Variants in FBXO21 observed in about 807,000 individuals in gnomAD.
The protein encoded by FBXO21 is F-box only protein 21.
Under a neutral mutation model 76.6 loss-of-function variants are expected in FBXO21, and 32 were observed. The observed-to-expected ratio is 0.42, with a 90% CI of 0.32 to 0.56. FBXO21 has a LOEUF of 0.56. FBXO21 is among the 20% of genes least tolerant of loss of function. The probability of loss-of-function intolerance (pLI) is 0.16; values close to 1 mark genes in which losing one functional copy is unlikely to be tolerated. For missense variants in FBXO21, 586 were observed against 797.3 expected (o/e 0.73, Z 3.19); for synonymous variants, 328 against 311.5 (o/e 1.05, Z -0.56).
In FBXO21 at chr12:117,158,167, G is replaced by A; in HGVS notation, c.1327-104C>T. The A allele has an allele frequency of 2.3e-6, 3 of 1,332,550 alleles. No homozygotes were observed. In the South Asian group the frequency reaches 3.8e-5, roughly 17 times the overall value. 82.5% of individuals were successfully genotyped at this position (1,332,550 alleles called of 1,614,324 possible). A position where few individuals can be genotyped will look rare whatever the true frequency, so the allele number is the denominator to read the frequency against. ...TACCTACGTAACCTAACAAAGCAAA[G>A]GACCAAAAGGGGTGGCTATGCCCTG... On this transcript the variant is annotated intron_variant, in intron 9 of 11. Transcript: ENST00000622495.
chr12:117,142,902 T>C lies in FBXO21; in HGVS notation c.*3185A>G, dbSNP rs557623139. On this transcript the variant is annotated 3_prime_UTR_variant, in exon 12 of 12. Coordinates refer to ENST00000622495, the MANE Select transcript of FBXO21 (RefSeq NM_015002.3). Reference sequence around the variant, plus strand: ...GGGGAAAGATCGGAACACTTACAAATGAGAACGGGACTTTAAGTAGATAGT... The same window carrying C: ...GGGGAAAGATCGGAACACTTACAAACGAGAACGGGACTTTAAGTAGATAGT... The C allele has an allele frequency of 2.0e-5, 3 of 152,170 alleles. No homozygotes were observed. Among genetic ancestry groups the C allele is most frequent in the South Asian group, 2.1e-4 (1 of 4,824 alleles). 9.4% of individuals were successfully genotyped at this position (152,170 alleles called of 1,614,324 possible). A position where few individuals can be genotyped will look rare whatever the true frequency, so the allele number is the denominator to read the frequency against.
At chr12:117,189,110 G>C in intron 2 of FBXO21, 117 bp downstream of exon 2, 1 of 1,143,242 alleles carries the variant, frequency 8.7e-7, no homozygotes, top group Non-Finnish European at 1.3e-6. Context: ...AAGTGAGTAA[G>C]GGATTGTGAG....
chr12:117,171,357 CA>C (rs57835444), intron 7 of FBXO21, among the ~76,000 whole-genome samples: 3,282 of 52,644 alleles, frequency 0.062, 20 homozygotes, highest in Middle Eastern at 0.083. Context: ...GACCCTGTCT[CA>C]AAAAAAAAAA....
chr12:117,175,064 G>A (rs761534858), intron 4 of FBXO21, among the ~76,000 whole-genome samples: 16 of 152,118 alleles, frequency 1.1e-4, no homozygotes, highest in African/African-American at 2.4e-4. Flanking sequence ...GGTATATGGC[G>A]CAGTTTCATG....
chr12:117,172,536 T>G lies in FBXO21; in HGVS notation c.948A>C (p.Gly316=), dbSNP rs919917566. ...LLYLTIARQL[G]VPLEPVNFPS... ...GGAAGTTGACAGGCTCCAGTGGGAC[T>G]CCCAACTGCCGAGCAATTGTCAAAT... The change falls in exon 7 of 12, where the codon GGA becomes GGC. Residue 316 remains glycine (G), a synonymous_variant. Transcript: ENST00000622495. The G allele has an allele frequency of 1.2e-6, 2 of 1,613,970 alleles. No homozygotes were observed. The highest frequency in any genetic ancestry group is 1.7e-6 in the Non-Finnish European group (2 of 1,179,944).
chr12:117,151,077 G>A (rs1027312445), intron 11 of FBXO21, among the ~76,000 whole-genome samples: 3 of 151,694 alleles, frequency 2.0e-5, no homozygotes, highest in South Asian at 2.1e-4. Flanking sequence ...GGGAACCAAC[G>A]TTTGTCGAGG....
intron 11 of FBXO21, among the ~76,000 whole-genome samples, chr12:117,154,487 G>C (rs888380873): frequency 6.6e-6 from 1 of 152,226 alleles, no homozygotes; most frequent in Non-Finnish European, 1.5e-5. Flanking sequence ...CCAGGCTCAA[G>C]TGATCCTCCC....
At position 117,174,707 on chromosome 12, in the gene FBXO21, A is replaced by G. The variant is rs1438685920; in HGVS notation, c.683T>C (p.Val228Ala). ...GTTTATGCCCCGAAGGGTTTTGCAAACAAGCTCCACGATGCTGTCAATTTG... is the reference window on the plus strand; with the variant it reads ...GTTTATGCCCCGAAGGGTTTTGCAAGCAAGCTCCACGATGCTGTCAATTTG... ...QAQIDSIVEL[V>A]CKTLRGINSR... The change falls in exon 5 of 12, where the codon GTT (valine) becomes GCT (alanine). Residue 228 changes from valine to alanine, a missense_variant. Physicochemically the swap from Val to Ala is moderately conservative, Grantham distance 64. This residue lies in a region of FBXO21 where 246 missense variants were observed against 356.8 expected (regional missense o/e 0.69). Coordinates refer to ENST00000622495, the MANE Select transcript of FBXO21 (RefSeq NM_015002.3). The G allele has an allele frequency of 6.2e-7, 1 of 1,614,212 alleles. No homozygotes were observed. The highest frequency in any genetic ancestry group is 2.2e-5 in the East Asian group (1 of 44,882).
At chr12:117,149,599 G>A (rs1955816280) in intron 11 of FBXO21, among the ~76,000 whole-genome samples, 1 of 152,182 alleles carries the variant, frequency 6.6e-6, no homozygotes, top group African/African-American at 2.4e-5. Flanking sequence ...GCAGTGGGTG[G>A]AGGCCAGGGG....
intron 2 of FBXO21, among the ~76,000 whole-genome samples, 160 bp from the exon 3 acceptor site, chr12:117,186,731 AAAGT>A (rs141388879): frequency 0.23 from 34,772 of 152,068 alleles, 4,481 homozygotes; most frequent in Admixed American, 0.38. Context: ...AAAATAACAT[AAAGT>A]AACAATAATT....
chr12:117,143,001 G>A lies in FBXO21; in HGVS notation c.*3086C>T, dbSNP rs1176886911. On this transcript the variant is annotated 3_prime_UTR_variant, in exon 12 of 12. Coordinates refer to ENST00000622495, the MANE Select transcript of FBXO21 (RefSeq NM_015002.3). Reference sequence around the variant, plus strand: ...AATAAAATCATTTTGCTGTGTAAACGCGCTTATAATGGGGATCTGTTATGA... The same window carrying A: ...AATAAAATCATTTTGCTGTGTAAACACGCTTATAATGGGGATCTGTTATGA... The A allele has an allele frequency of 2.0e-5, 3 of 152,156 alleles. No homozygotes were observed. Among genetic ancestry groups the A allele is most frequent in the Non-Finnish European group, 2.9e-5 (2 of 68,040 alleles). 9.4% of individuals were successfully genotyped at this position (152,156 alleles called of 1,614,324 possible).
intron 3 of FBXO21, among the ~76,000 whole-genome samples, chr12:117,182,541 T>C (rs999784194): frequency 5.8e-4 from 81 of 139,954 alleles, no homozygotes; most frequent in African/African-American, 1.9e-3. Context: ...TCCCAGCACA[T>C]TGGGAGGCCA....
rs971939753 is a variant in FBXO21 at position 117,143,141 on chromosome 12, A to G, written c.*2946T>C. On this transcript the variant is annotated 3_prime_UTR_variant, in exon 12 of 12. Transcript: ENST00000622495. ...ATTCTAAGGTAAACTCATTTTGGAC[A>G]TAACTGATGTCTCACTGAGACAGCT... 6.6e-6 allele frequency: 1 copy of G among 152,216 alleles called. No homozygotes were observed. The allele number at this position is 152,216 out of a possible 1,614,324, so 9.4% of individuals were successfully genotyped here. A position where few individuals can be genotyped will look rare whatever the true frequency, so the allele number is the denominator to read the frequency against.
intron 8 of FBXO21, among the ~76,000 whole-genome samples, chr12:117,166,057 G>C (rs1956050022): frequency 6.6e-6 from 1 of 152,144 alleles, no homozygotes; most frequent in South Asian, 2.1e-4. Flanking sequence ...GGGCGTGGTG[G>C]CGCATGCCTG....
At chr12:117,177,376 T>TA (rs1352997188) in intron 4 of FBXO21, 144 bp downstream of exon 4, 1 of 676,046 alleles carries the variant, frequency 1.5e-6, no homozygotes, top group Non-Finnish European at 2.4e-6. Flanking sequence ...TCAGGCCCTA[T>TA]AATCCAACCT....
rs1955940741 is a variant in FBXO21 at position 117,158,351 on chromosome 12, G to C, written c.1327-288C>G. On this transcript the variant is annotated intron_variant, in intron 9 of 11. Coordinates refer to ENST00000622495, the MANE Select transcript of FBXO21 (RefSeq NM_015002.3). ...TGAGGAGTTCTTTGGAAACCAGTGT[G>C]CTGGGATAAGCGCTGGGGACGCAGG... Among the ~76,000 whole-genome samples the C allele has an allele frequency of 2.6e-5, 4 of 152,162 alleles. No individual in the cohort carries two copies. In the South Asian group the frequency reaches 8.3e-4, roughly 32 times the overall value.
At chr12:117,155,991 C>G in intron 10 of FBXO21, 43 bp from the exon 11 acceptor site, 3 of 1,595,478 alleles carry the variant, frequency 1.9e-6, no homozygotes, top group Non-Finnish European at 2.6e-6. Context: ...CAGACCCGGC[C>G]GCAACAACCT....
intron 7 of FBXO21, among the ~76,000 whole-genome samples, chr12:117,168,325 A>G (rs573593541): frequency 6.6e-6 from 1 of 152,282 alleles, no homozygotes; most frequent in East Asian, 1.9e-4. Context: ...AGAGATCGAG[A>G]CCATCCTGGC....
intron 3 of FBXO21, among the ~76,000 whole-genome samples, chr12:117,178,428 G>A (rs1323194383): frequency 6.6e-6 from 1 of 151,972 alleles, no homozygotes; most frequent in Non-Finnish European, 1.5e-5. Context: ...TCCTCAATAC[G>A]GCAGCCAGAG....
Sources: allele counts gnomAD v4.1 joint callset (sites outside exome capture counted in the v4.1 genomes callset), GRCh38; gene constraint gnomAD v4.1.1; regional missense constraint gnomAD v4.1.1; transcripts MANE v1.5; gene names NCBI Gene and HGNC (gene_info 2026-07-23, HGNC 2026-07-21).